The following FANCC variants were observed in gnomAD, a reference collection of about 807,000 sequenced individuals.
FANCC encodes FA complementation group C.
A neutral mutation model predicts 71.3 loss-of-function variants in FANCC; 55 were observed. That is an observed-to-expected ratio of 0.77 (90% CI 0.62 to 0.97). The LOEUF is 0.97. Ranked by LOEUF, FANCC falls within the 50% of genes least tolerant of loss-of-function variation. The probability of loss-of-function intolerance (pLI) is 0.00; values close to 1 mark genes in which losing one functional copy is unlikely to be tolerated. For synonymous variants in FANCC, 275 were observed against 244.9 expected, an observed-to-expected ratio of 1.12 and a Z score of -1.15; for missense variants, 678 against 670.9, an observed-to-expected ratio of 1.01 and a Z score of -0.12.
chr9:95,117,320 G>T lies in FANCC; in HGVS notation c.1067C>A (p.Pro356His), dbSNP rs1060502517. Residue 356 changes from proline to histidine, a missense_variant, in exon 11 of 15, where the codon CCT becomes CAT. By Grantham distance (77) the Pro-to-His change is moderately conservative. Coordinates refer to ENST00000289081, the MANE Select transcript of FANCC (RefSeq NM_000136.3). ...CAAAGTCAACCCTAACTCACCTTGAGGGTCTTGCAGCAGCACCATGGCAAG... is the reference window on the plus strand; with the variant it reads ...CAAAGTCAACCCTAACTCACCTTGATGGTCTTGCAGCAGCACCATGGCAAG... ...PSLAMVLLQD[P>H]QDIPRGHWLQ... The T allele has an allele frequency of 1.2e-6, 2 of 1,614,008 alleles. No individual in the cohort carries two copies. The highest frequency in any genetic ancestry group is 1.7e-5 in the Admixed American group (1 of 60,016).
At chr9:95,218,675 T>A (rs1829032852) in intron 4 of FANCC, among the ~76,000 whole-genome samples, 1 of 152,210 alleles carries the variant, frequency 6.6e-6, no homozygotes, top group Non-Finnish European at 1.5e-5. Flanking sequence ...AGTGACTGCA[T>A]TCTCCATACT....
intron 1 of FANCC, among the ~76,000 whole-genome samples, chr9:95,252,274 CAAAAAAAA>C (rs71366284): frequency 1.4e-4 from 7 of 50,160 alleles, no homozygotes; most frequent in East Asian, 1.3e-3. Flanking sequence ...GAGACTGATT[CAAAAAAAA>C]AAAAAAAAAA....
At chr9:95,243,687 G>A (rs1830766512) in intron 3 of FANCC, among the ~76,000 whole-genome samples, 1 of 151,938 alleles carries the variant, frequency 6.6e-6, no homozygotes, top group African/African-American at 2.4e-5. Context: ...CCAGCTACTT[G>A]GTAGGCTGAG....
chr9:95,126,706 T>G (rs745782750), intron 8 of FANCC, 125 bp from the exon 9 acceptor site: 16 of 955,410 alleles, frequency 1.7e-5, no homozygotes, highest in Non-Finnish European at 2.6e-5. Context: ...CTCCTTTTGG[T>G]TAGAAGAACG....
intron 1 of FANCC, chr9:95,294,657 A>T: frequency 1.3e-6 from 2 of 1,589,360 alleles, no homozygotes; most frequent in Non-Finnish European, 1.7e-6. Context: ...CTGGGTTTGA[A>T]ACCCTGGGGA....
Position 95,311,233 on chromosome 9 carries a change from CAAAAAAAAA to C in FANCC, c.-79+6284_-79+6292del, listed in dbSNP as rs10710492. ...CGGGAGACAGAGTGAGATTCCGTCT[CAAAAAAAAA>C]AAAAAAAAAAAAATCAGGAGTTAAT... On this transcript the variant is annotated intron_variant, in intron 1 of 14. Coordinates refer to ENST00000289081, the MANE Select transcript of FANCC (RefSeq NM_000136.3). Among the ~76,000 whole-genome samples, 483 of 76,040 alleles carry C rather than the reference CAAAAAAAAA, an allele frequency of 6.4e-3. 8 individuals are homozygous for C. The East Asian group carries it at 0.096, about 15-fold the overall frequency. The allele number at this position is 76,040 out of a possible 152,430, so 49.9% of individuals were successfully genotyped here.
At chr9:95,190,688 G>A (rs1827034287) in intron 4 of FANCC, among the ~76,000 whole-genome samples, 1 of 152,198 alleles carries the variant, frequency 6.6e-6, no homozygotes, top group Admixed American at 6.5e-5. Context: ...GTGTGGGTGA[G>A]ACCAGAGCAG....
At chr9:95,304,685 G>A (rs1434913829) in intron 1 of FANCC, among the ~76,000 whole-genome samples, 1 of 147,328 alleles carries the variant, frequency 6.8e-6, no homozygotes, top group African/African-American at 2.5e-5. Flanking sequence ...GGGAGGCGGA[G>A]GTTGCAGTGA....
chr9:95,233,632 G>A (rs4647447), intron 4 of FANCC, among the ~76,000 whole-genome samples: 4 of 152,124 alleles, frequency 2.6e-5, no homozygotes, highest in African/African-American at 9.7e-5. Flanking sequence ...TGCAAAAATG[G>A]AAAATGGAGA....
At chr9:95,292,464 C>T in intron 1 of FANCC, 4 of 1,302,312 alleles carry the variant, frequency 3.1e-6, no homozygotes, top group Non-Finnish European at 3.9e-6. Context: ...CCCGGGACCC[C>T]GACTGAGGGG....
At chr9:95,114,540 C>T in intron 12 of FANCC, 89 bp downstream of exon 12, 1 of 1,173,220 alleles carries the variant, frequency 8.5e-7, no homozygotes, top group Non-Finnish European at 1.3e-6. Flanking sequence ...CCAGTAATGC[C>T]TTCCTCTGTC....
rs1433430117 is a variant in FANCC, at chr9:95,114,611, T to C, written c.1154+18A>G. ...ACCATGTGTGAAGTAGATTTGGGAG[T>C]GGTCAGTGTTTGCTCACCCATGAGT... On this transcript the variant is annotated intron_variant, in intron 12 of 14. Transcript: ENST00000289081. 1.2e-6 allele frequency: 2 copies of C among 1,605,090 alleles called. No homozygotes were observed. The highest frequency in any genetic ancestry group is 1.1e-5 in the South Asian group (1 of 90,874).
chr9:95,181,588 C>T (rs1433372977), intron 4 of FANCC, among the ~76,000 whole-genome samples: 1 of 152,168 alleles, frequency 6.6e-6, no homozygotes, highest in Non-Finnish European at 1.5e-5. Flanking sequence ...CTCTAACTCC[C>T]TCAGTTTACT....
At chr9:95,135,566 A>G (rs1758463696) in intron 7 of FANCC, 64 bp from the exon 8 acceptor site, 3 of 1,466,756 alleles carry the variant, frequency 2.0e-6, no homozygotes, top group Admixed American at 1.8e-5. Flanking sequence ...AAGATTAAAA[A>G]AAGTTCAAAA....
intron 1 of FANCC, among the ~76,000 whole-genome samples, chr9:95,291,992 A>ATATATT (rs1439961643): frequency 7.2e-6 from 1 of 138,266 alleles, no homozygotes; most frequent in East Asian, 2.0e-4. Flanking sequence ...ATATATATAT[A>ATATATT]TTAAGACCCC....
Position 95,240,761 on chromosome 9 carries a change from T to A in FANCC, c.251-18A>T. ...GCTTTCATCTACAAAAAGGAAAACT[T>A]AATAAGTTTTATCAAGCAGAAAAAA... is the stretch of plus-strand genomic sequence containing the variant. On this transcript the variant is annotated intron_variant, in intron 3 of 14. Coordinates refer to ENST00000289081, the MANE Select transcript of FANCC (RefSeq NM_000136.3). 1.4e-6 allele frequency: 2 copies of A among 1,425,602 alleles called. No homozygotes were observed. The highest frequency in any genetic ancestry group is 2.0e-6 in the Non-Finnish European group (2 of 1,009,574). 88.3% of individuals were successfully genotyped at this position (1,425,602 alleles called of 1,614,324 possible).
intron 7 of FANCC, among the ~76,000 whole-genome samples, chr9:95,141,514 C>A (rs1339149164): frequency 6.6e-6 from 1 of 151,964 alleles, no homozygotes; most frequent in Non-Finnish European, 1.5e-5. Flanking sequence ...TTTTCCTTAT[C>A]TAAGTTGAAA....
At chr9:95,200,118 T>C (rs1298154347) in intron 4 of FANCC, among the ~76,000 whole-genome samples, 1 of 152,224 alleles carries the variant, frequency 6.6e-6, no homozygotes, top group Non-Finnish European at 1.5e-5. Context: ...TGCAAACAGA[T>C]GCTATTACAA....
At chr9:95,159,490 CAT>C (rs1830629145) in intron 6 of FANCC, among the ~76,000 whole-genome samples, 1 of 152,210 alleles carries the variant, frequency 6.6e-6, no homozygotes, top group East Asian at 1.9e-4. Context: ...CCGCAATAAA[CAT>C]ACGTGTGCAT....
Sources: allele counts gnomAD v4.1 joint callset (sites outside exome capture counted in the v4.1 genomes callset), GRCh38; gene constraint gnomAD v4.1.1; transcripts MANE v1.5; gene names NCBI Gene and HGNC (gene_info 2026-07-23, HGNC 2026-07-21).